ADK: variants seen among roughly 807,000 people sequenced by gnomAD.
ADK encodes adenosine kinase, also known as N6,N6-dimethyladenosine kinase.
ADK carries 24 observed loss-of-function variants against 44.7 expected under a neutral mutation model. That is an observed-to-expected ratio of 0.54 (90% confidence interval 0.39 to 0.76). The LOEUF (loss-of-function observed/expected upper bound fraction) is 0.76, where lower values mean the gene tolerates loss of function less well. Among genes scored for constraint, ADK ranks in the 30% least tolerant of loss-of-function variants. The pLI, the probability that ADK is intolerant of heterozygous loss-of-function variation, is 0.00. For missense variants in ADK, 321 were observed against 425.1 expected, an observed-to-expected ratio of 0.76 and a Z score of 2.15; for synonymous variants, 128 against 142.6, an observed-to-expected ratio of 0.90 and a Z score of 0.73.
intron 1 of ADK, among the ~76,000 whole-genome samples, chr10:74,163,424 T>C (rs1384746496): frequency 6.6e-6 from 1 of 152,230 alleles, no homozygotes; most frequent in Admixed American, 6.5e-5. Flanking sequence ...GAATCTCTTT[T>C]CTCTGTGTTA....
intron 10 of ADK, among the ~76,000 whole-genome samples, chr10:74,679,576 T>G (rs1037714206): frequency 1.4e-5 from 2 of 145,812 alleles, no homozygotes; most frequent in Non-Finnish European, 3.0e-5. Context: ...TTATTTGGCC[T>G]TTTTTTTTTA....
rs114460554 is a variant in ADK at position 74,352,726 on chromosome 10, A to G, written c.273+37981A>G. Among the ~76,000 whole-genome samples the G allele has an allele frequency of 5.2e-3, 792 of 152,354 alleles. 5 individuals are homozygous for G. The highest frequency in any genetic ancestry group is 0.018 in the African/African-American group (748 of 41,584). ...CTACAGGAACTTAAACAAATTTGCA[A>G]GAAAATAACAACCCTATCAAAAATT... is the stretch of plus-strand genomic sequence containing the variant. On this transcript the variant is annotated intron_variant, in intron 4 of 10. Coordinates refer to ENST00000539909, the MANE Select transcript of ADK (RefSeq NM_006721.4).
intron 9 of ADK, among the ~76,000 whole-genome samples, chr10:74,602,037 C>T (rs1852148845): frequency 7.3e-6 from 1 of 137,902 alleles, no homozygotes; most frequent in Non-Finnish European, 1.5e-5. Context: ...CCCAGAAGTT[C>T]GAGGCTGTGT....
chr10:74,361,352 G>T (rs1325546876), intron 4 of ADK, among the ~76,000 whole-genome samples: 1 of 151,706 alleles, frequency 6.6e-6, no homozygotes, highest in Non-Finnish European at 1.5e-5. Flanking sequence ...TTGTGGTTAG[G>T]TGATTTTCTC....
intron 6 of ADK, among the ~76,000 whole-genome samples, chr10:74,520,224 A>AC (rs1848751128): frequency 6.6e-6 from 1 of 152,026 alleles, no homozygotes; most frequent in Admixed American, 6.5e-5. Flanking sequence ...ACCCAAATAG[A>AC]TTAAAATCTA....
intron 7 of ADK, among the ~76,000 whole-genome samples, chr10:74,554,899 A>G (rs1850184565): frequency 6.6e-6 from 1 of 152,234 alleles, no homozygotes; most frequent in Non-Finnish European, 1.5e-5. Context: ...CTTATTTTAT[A>G]TATAACCATA....
intron 6 of ADK, among the ~76,000 whole-genome samples, chr10:74,457,680 T>G (rs1362319236): frequency 6.6e-6 from 1 of 152,148 alleles, no homozygotes; most frequent in East Asian, 1.9e-4. Flanking sequence ...TGGAATACTA[T>G]GCAGCCATAA....
intron 3 of ADK, among the ~76,000 whole-genome samples, chr10:74,229,166 G>A (rs1217031373): frequency 9.2e-5 from 14 of 151,996 alleles, no homozygotes. Context: ...TTAAATGCTT[G>A]CCAATTTACG....
At chr10:74,360,867 T>C (rs1842311656) in intron 4 of ADK, among the ~76,000 whole-genome samples, 1 of 152,158 alleles carries the variant, frequency 6.6e-6, no homozygotes, top group Admixed American at 6.6e-5. Flanking sequence ...GCAGCATGTA[T>C]CTGGGTCTTG....
intron 3 of ADK, among the ~76,000 whole-genome samples, chr10:74,283,578 G>T (rs1396007334): frequency 7.0e-6 from 1 of 142,364 alleles, no homozygotes; most frequent in African/African-American, 2.6e-5. Context: ...CCTTTGAAAT[G>T]ACTCTCAAAT....
intron 7 of ADK, among the ~76,000 whole-genome samples, chr10:74,574,448 C>T (rs973826146): frequency 2.6e-5 from 4 of 152,178 alleles, no homozygotes; most frequent in African/African-American, 9.6e-5. Context: ...GGATTACAGG[C>T]ATGAGCCACT....
chr10:74,195,836 G>T (rs948221926), intron 1 of ADK, among the ~76,000 whole-genome samples: 1 of 149,660 alleles, frequency 6.7e-6, no homozygotes, highest in African/African-American at 2.5e-5. Flanking sequence ...GCCACCACAC[G>T]CGGCTAATTT....
intron 10 of ADK, among the ~76,000 whole-genome samples, chr10:74,702,832 C>A (rs1388416432): frequency 6.6e-6 from 1 of 152,080 alleles, no homozygotes; most frequent in African/African-American, 2.4e-5. Flanking sequence ...CTCCTGACCT[C>A]ATGATCTGCC....
intron 1 of ADK, among the ~76,000 whole-genome samples, chr10:74,156,934 A>C (rs1019934439): frequency 6.6e-6 from 1 of 152,256 alleles, no homozygotes; most frequent in Non-Finnish European, 1.5e-5. Flanking sequence ...AACAGAAAAG[A>C]AACATGCAGT....
intron 3 of ADK, among the ~76,000 whole-genome samples, chr10:74,293,972 TTC>T (rs1839722122): frequency 6.6e-6 from 1 of 152,224 alleles, no homozygotes; most frequent in Non-Finnish European, 1.5e-5. Context: ...CTGTCCTGAC[TTC>T]TAACATTGGA....
chr10:74,187,394 TG>T (rs1842798360), intron 1 of ADK, among the ~76,000 whole-genome samples: 4 of 152,220 alleles, frequency 2.6e-5, no homozygotes. Context: ...TAAACTTTTA[TG>T]TGCAACCCTA....
At chr10:74,587,739 T>G (rs1469411901) in intron 7 of ADK, among the ~76,000 whole-genome samples, 2 of 150,166 alleles carry the variant, frequency 1.3e-5, no homozygotes, top group African/African-American at 2.4e-5. Flanking sequence ...TGTCTGCAGT[T>G]TTTTTTTTTT....
intron 4 of ADK, chr10:74,371,919 G>A (rs1592115486): frequency 2.1e-6 from 3 of 1,441,178 alleles, no homozygotes; most frequent in South Asian, 1.1e-5. Context: ...TGACCCCAGG[G>A]CTGACCACCA....
At chr10:74,575,204 A>C (rs1851142414) in intron 7 of ADK, among the ~76,000 whole-genome samples, 1 of 152,228 alleles carries the variant, frequency 6.6e-6, no homozygotes, top group South Asian at 2.1e-4. Flanking sequence ...TTGGTAAATC[A>C]GCAAGGATTT....
Sources: gnomAD v4.1 joint callset for allele counts (sites outside exome capture counted in the v4.1 genomes callset) on GRCh38, gnomAD v4.1.1 for gene constraint, MANE v1.5 for transcripts, NCBI Gene and HGNC (gene_info 2026-07-23, HGNC 2026-07-21) for gene names.